The following PSIP1 variants were observed in gnomAD, a reference collection of about 807,000 sequenced individuals.
PSIP1 encodes PC4 and SFRS1-interacting protein.
In PSIP1, 19 loss-of-function variants were observed where a neutral mutation model predicts 74.7. The ratio of observed to expected loss-of-function variants is 0.25; its 90% CI spans 0.18 to 0.37. The LOEUF is 0.37. PSIP1 is among the 10% of genes least tolerant of loss of function. PSIP1 has a pLI of 1.00. For synonymous variants in PSIP1, 222 were observed against 195.3 expected (o/e 1.14, Z -1.14); for missense variants, 601 against 614.3 (o/e 0.98, Z 0.23).
intron 2 of PSIP1, among the ~76,000 whole-genome samples, chr9:15,507,514 G>A (rs2037648019): frequency 6.6e-6 from 1 of 152,166 alleles, no homozygotes; most frequent in Non-Finnish European, 1.5e-5. Flanking sequence ...AGGGCACGGT[G>A]TCAGGTGCCT....
At chr9:15,484,619 CGGGGGGCTGAGGCA>C (rs1309423391) in intron 6 of PSIP1, among the ~76,000 whole-genome samples, 1 of 151,584 alleles carries the variant, frequency 6.6e-6, no homozygotes, top group Non-Finnish European at 1.5e-5. Flanking sequence ...CCCAGCTAAT[CGGGGGGCTGAGGCA>C]GGAGAATCAC....
At chr9:15,478,070 C>A (rs947263902) in intron 8 of PSIP1, among the ~76,000 whole-genome samples, 1 of 142,478 alleles carries the variant, frequency 7.0e-6, no homozygotes, top group Non-Finnish European at 1.5e-5. Flanking sequence ...TTTGAGGTTA[C>A]AGTGTGCGAT....
intron 3 of PSIP1, among the ~76,000 whole-genome samples, chr9:15,500,618 ATTACT>A (rs1012834327): frequency 7.2e-5 from 11 of 152,296 alleles, no homozygotes; most frequent in African/African-American, 2.6e-4. Context: ...CCTAAGATTC[ATTACT>A]TTATTTTCTT....
intron 6 of PSIP1, 162 bp downstream of exon 6, chr9:15,485,844 A>G: frequency 1.7e-6 from 1 of 577,274 alleles, no homozygotes; most frequent in Non-Finnish European, 3.0e-6. Context: ...TCACTAAGAA[A>G]GAAACACAGA....
chr9:15,509,829 C>T (rs945657888), intron 2 of PSIP1, among the ~76,000 whole-genome samples: 2 of 152,172 alleles, frequency 1.3e-5, no homozygotes, highest in African/African-American at 4.8e-5. Flanking sequence ...CATTATTTCA[C>T]CTACAATGGA....
chr9:15,476,199 T>C (rs1467385970), intron 8 of PSIP1, among the ~76,000 whole-genome samples: 6 of 152,140 alleles, frequency 3.9e-5, no homozygotes, highest in East Asian at 1.9e-4. Context: ...AAATAAACGT[T>C]GTAAAGGCTA....
chr9:15,494,489 C>T (rs1317005867), intron 3 of PSIP1, among the ~76,000 whole-genome samples: 3 of 147,208 alleles, frequency 2.0e-5, no homozygotes, highest in East Asian at 2.0e-4. Flanking sequence ...CGCTTGAACC[C>T]GGGAGGCGGA....
intron 10 of PSIP1, chr9:15,471,315 T>C (rs764645733): frequency 3.8e-6 from 6 of 1,567,590 alleles, no homozygotes; most frequent in Non-Finnish European, 5.3e-6. Flanking sequence ...AGCAAAACTG[T>C]CCAAGTACAA....
chr9:15,468,649 CT>C lies in PSIP1; in HGVS notation c.1400del (p.Lys467SerfsTer2). 1 of 1,614,074 alleles carries C rather than the reference CT, an allele frequency of 6.2e-7. No homozygotes were observed. Among genetic ancestry groups the C allele is most frequent in the Non-Finnish European group, 8.5e-7 (1 of 1,179,954 alleles). On this transcript the variant is annotated frameshift_variant, in exon 14 of 16. Transcript: ENST00000380733. LOFTEE classifies it high-confidence loss of function. ...ACATACCTGTTTGTTCCTTCTCTAGCTTTTTGTTTGGCCCTTTCTTCCCTTG... is the reference window on the plus strand; with the variant it reads ...ACATACCTGTTTGTTCCTTCTCTAGCTTTTGTTTGGCCCTTTCTTCCCTTG... ...KDQGKKGPNKKLEKEQTGSKT... is the reference protein window; with the variant it reads ...KDQGKKGPNKXLEKEQTGSKT...
chr9:15,495,517 T>C (rs62571009), intron 3 of PSIP1, among the ~76,000 whole-genome samples: 6,336 of 152,254 alleles, frequency 0.042, 151 homozygotes, highest in South Asian at 0.07. Context: ...ATGCTGTAAC[T>C]TAAAACATTA....
intron 3 of PSIP1, among the ~76,000 whole-genome samples, chr9:15,502,185 G>C (rs1158271291): frequency 3.3e-5 from 5 of 151,892 alleles, no homozygotes; most frequent in African/African-American, 1.2e-4. Flanking sequence ...GTCTTCCATT[G>C]CTGCTTTAAA....
intron 5 of PSIP1, among the ~76,000 whole-genome samples, 168 bp downstream of exon 5, chr9:15,486,659 T>C (rs1021154432): frequency 1.1e-4 from 16 of 152,202 alleles, no homozygotes; most frequent in Non-Finnish European, 1.5e-4. Flanking sequence ...ATAAGTTGTT[T>C]GACAATACTG....
intron 10 of PSIP1, 181 bp downstream of exon 10, chr9:15,472,451 C>G (rs977601364): frequency 1.4e-6 from 2 of 1,391,982 alleles, no homozygotes; most frequent in African/African-American, 3.0e-5. Flanking sequence ...ATTTCATCCT[C>G]TCAGAAGAGA....
intron 3 of PSIP1, among the ~76,000 whole-genome samples, chr9:15,496,272 G>C (rs1473870408): frequency 6.6e-6 from 1 of 152,180 alleles, no homozygotes; most frequent in Non-Finnish European, 1.5e-5. Context: ...ATTGAAATTT[G>C]TGCCTACAGG....
intron 8 of PSIP1, among the ~76,000 whole-genome samples, chr9:15,475,316 C>T (rs1299097137): frequency 6.6e-6 from 1 of 152,092 alleles, no homozygotes; most frequent in East Asian, 1.9e-4. Flanking sequence ...TATTTGCTTT[C>T]TTCAGGATTT....
chr9:15,475,703 A>G (rs2036046499), intron 8 of PSIP1, among the ~76,000 whole-genome samples: 1 of 152,152 alleles, frequency 6.6e-6, no homozygotes, highest in Non-Finnish European at 1.5e-5. Context: ...AAAAAAGATT[A>G]TTTCAAGGTG....
At position 15,465,301 on chromosome 9, in the gene PSIP1, A is replaced by G. The variant is rs898488166; in HGVS notation, c.*219T>C. On this transcript the variant is annotated 3_prime_UTR_variant, in exon 16 of 16. Coordinates refer to ENST00000380733, the MANE Select transcript of PSIP1 (RefSeq NM_033222.5). ...AAGCAGTTTAACATTTTCTAAATGG[A>G]TTTTATCCCACATTTACTGTATAAT... 7 of 457,608 alleles carry G rather than the reference A, an allele frequency of 1.5e-5. No homozygotes were observed. The highest frequency in any genetic ancestry group is 1.4e-4 in the African/African-American group (7 of 48,740). The allele number at this position is 457,608 out of a possible 1,614,324, so 28.3% of individuals were successfully genotyped here. A position where few individuals can be genotyped will look rare whatever the true frequency, so the allele number is the denominator to read the frequency against.
Position 15,489,608 on chromosome 9 carries a change from C to CAAAAA in PSIP1, c.288+373_288+377dup, listed in dbSNP as rs1278277874. ...GGGCAACAAGAGCGAAACTACACCT[C>CAAAAA]AAAAAAAAAAAAAAAAAAAAGAAAT... On this transcript the variant is annotated intron_variant, in intron 4 of 15. Coordinates refer to ENST00000380733, the MANE Select transcript of PSIP1 (RefSeq NM_033222.5). 4.8e-4 allele frequency among the ~76,000 whole-genome samples: 22 copies of CAAAAA among 45,436 alleles called. 1 individual carries two copies. Among genetic ancestry groups the CAAAAA allele is most frequent in the African/African-American group, 1.2e-3 (19 of 15,724 alleles). The allele number at this position is 45,436 out of a possible 152,430, so 29.8% of individuals were successfully genotyped here.
At chr9:15,485,682 C>T (rs759544304) in intron 6 of PSIP1, among the ~76,000 whole-genome samples, 5 of 152,184 alleles carry the variant, frequency 3.3e-5, no homozygotes, top group Non-Finnish European at 7.3e-5. Flanking sequence ...TTAGCATAAA[C>T]ATTTCACATA....
Sources: gnomAD v4.1 joint callset for allele counts (sites outside exome capture counted in the v4.1 genomes callset) on GRCh38, gnomAD v4.1.1 for gene constraint, MANE v1.5 for transcripts, NCBI Gene and HGNC (gene_info 2026-07-23, HGNC 2026-07-21) for gene names.